The following SDHC variants were observed in gnomAD, a reference collection of about 807,000 sequenced individuals.
SDHC encodes the protein succinate dehydrogenase cytochrome b560 subunit, mitochondrial.
SDHC carries 11 observed loss-of-function variants against 22.6 expected under a neutral mutation model. That is an observed-to-expected ratio of 0.49 (90% CI 0.31 to 0.81). The LOEUF (loss-of-function observed/expected upper bound fraction) is 0.81, where lower values mean the gene tolerates loss of function less well. Among genes scored for constraint, SDHC ranks in the 30% least tolerant of loss-of-function variants. The pLI is 0.05. For synonymous variants in SDHC, 80 were observed against 77.8 expected, an observed-to-expected ratio of 1.03 and a Z score of -0.15; for missense variants, 160 against 212.0, an observed-to-expected ratio of 0.75 and a Z score of 1.52.
intron 4 of SDHC, among the ~76,000 whole-genome samples, chr1:161,351,021 A>T (rs972663342): frequency 6.6e-6 from 1 of 152,276 alleles, no homozygotes; most frequent in African/African-American, 2.4e-5. Context: ...CAAGGAACCA[A>T]ATATTCAGTG....
chr1:161,319,219 C>CT (rs200056232), intron 1 of SDHC, among the ~76,000 whole-genome samples: 3,020 of 143,452 alleles, frequency 0.021, 90 homozygotes, highest in African/African-American at 0.071. Context: ...GAAACTCTGT[C>CT]TTAAAATAAA....
chr1:161,314,418 T>A lies in SDHC; in HGVS notation c.13T>A (p.Leu5Met), dbSNP rs894925936. The A allele has an allele frequency of 2.5e-6, 4 of 1,612,494 alleles. No homozygotes were observed. Among genetic ancestry groups the A allele is most frequent in the Non-Finnish European group, 3.4e-6 (4 of 1,179,918 alleles). Reference protein sequence around the residue: MAALLLRHVGRHCLR... With the variant: MAALMLRHVGRHCLR... ...ACCGGAACCCAAGATGGCTGCGCTG[T>A]TGCTGAGGTGACTTCAGTGGGACTG... The change falls in exon 1 of 6, where the codon TTG becomes ATG. Residue 5 changes from leucine (L) to methionine (M), a missense_variant. Leu to Met is a conservative substitution (Grantham distance 15). This residue lies in a region of SDHC where 86 missense variants were observed against 83.4 expected (regional missense o/e 1.03). Coordinates refer to ENST00000367975, the MANE Select transcript of SDHC (RefSeq NM_003001.5).
intron 2 of SDHC, among the ~76,000 whole-genome samples, chr1:161,326,124 T>C (rs1671037211): frequency 1.3e-5 from 2 of 151,698 alleles, no homozygotes; most frequent in African/African-American, 4.8e-5. Flanking sequence ...ATGACTTGAA[T>C]CCAGGAGGCG....
At chr1:161,348,666 C>CA (rs1159653901) in intron 4 of SDHC, among the ~76,000 whole-genome samples, 2,041 of 70,858 alleles carry the variant, frequency 0.029, 37 homozygotes, top group African/African-American at 0.05. Flanking sequence ...ACTAAAAATC[C>CA]AAAAAAAAAA....
chr1:161,319,092 A>G (rs1253282855), intron 1 of SDHC, among the ~76,000 whole-genome samples: 1 of 152,012 alleles, frequency 6.6e-6, no homozygotes, highest in African/African-American at 2.4e-5. Context: ...TTGGAGGCAC[A>G]TGCCTGTAAT....
chr1:161,331,884 C>A (rs569313878), intron 3 of SDHC, among the ~76,000 whole-genome samples: 1 of 152,180 alleles, frequency 6.6e-6, no homozygotes, highest in Non-Finnish European at 1.5e-5. Flanking sequence ...CATGAGCCAC[C>A]GCGCCTGGCA....
intron 1 of SDHC, among the ~76,000 whole-genome samples, chr1:161,318,028 C>T (rs1326854698): frequency 2.0e-5 from 3 of 151,702 alleles, no homozygotes; most frequent in Admixed American, 6.6e-5. Context: ...AAAAATTAGC[C>T]GGGTGTGATG....
intron 4 of SDHC, among the ~76,000 whole-genome samples, chr1:161,348,463 A>G (rs1275717819): frequency 2.0e-5 from 3 of 151,166 alleles, no homozygotes; most frequent in Non-Finnish European, 4.4e-5. Flanking sequence ...CTGGCCTGCA[A>G]TGTTTTGAAA....
chr1:161,342,818 C>T (rs964219327), intron 4 of SDHC, among the ~76,000 whole-genome samples: 7 of 152,138 alleles, frequency 4.6e-5, no homozygotes, highest in Non-Finnish European at 1.5e-5. Flanking sequence ...TTAACCTCAT[C>T]CTAGGGAATA....
At chr1:161,356,627 T>C (rs763973825) in intron 4 of SDHC, 50 bp from the exon 5 acceptor site, 2 of 1,586,546 alleles carry the variant, frequency 1.3e-6, no homozygotes, top group Admixed American at 3.3e-5. Flanking sequence ...TGTATCATAT[T>C]AGTTGTAACT....
At chr1:161,352,817 A>G (rs1672136403) in intron 4 of SDHC, among the ~76,000 whole-genome samples, 2 of 152,294 alleles carry the variant, frequency 1.3e-5, no homozygotes, top group South Asian at 4.1e-4. Context: ...TCTACTAAAA[A>G]TACAAAAAAA....
chr1:161,335,783 T>G (rs1671458445), intron 3 of SDHC, among the ~76,000 whole-genome samples: 1 of 152,178 alleles, frequency 6.6e-6, no homozygotes, highest in Non-Finnish European at 1.5e-5. Flanking sequence ...TACATACGTG[T>G]GTGTATATAA....
At chr1:161,318,167 A>G (rs1021890298) in intron 1 of SDHC, among the ~76,000 whole-genome samples, 2 of 147,262 alleles carry the variant, frequency 1.4e-5, no homozygotes, top group African/African-American at 5.2e-5. Flanking sequence ...GCAAGACTCC[A>G]TCTCAAAAAA....
rs377678817 is a variant in SDHC, at chr1:161,337,275, C to G, written c.180-3319C>G. On this transcript the variant is annotated intron_variant, in intron 3 of 5. Coordinates refer to ENST00000367975, the MANE Select transcript of SDHC (RefSeq NM_003001.5). ...TGCTCCATGGTGCCCGAGGCCTCAG[C>G]TGGAAAACACAAAGGCTAGGGCCTG... 3.5e-4 allele frequency among the ~76,000 whole-genome samples: 54 copies of G among 152,258 alleles called. 1 individual carries two copies. The highest frequency in any genetic ancestry group is 3.4e-3 in the Middle Eastern group (1 of 294).
intron 1 of SDHC, 120 bp downstream of exon 1, chr1:161,314,545 G>A: frequency 8.0e-7 from 1 of 1,252,056 alleles, no homozygotes; most frequent in Non-Finnish European, 1.2e-6. Context: ...CCATGGGTGT[G>A]GAGGCCAAGC....
chr1:161,346,432 T>G (rs1238155719), intron 4 of SDHC, among the ~76,000 whole-genome samples: 1 of 151,630 alleles, frequency 6.6e-6, no homozygotes, highest in Non-Finnish European at 1.5e-5. Context: ...AGAGTTTCGC[T>G]TTTGTTGCCC....
chr1:161,336,588 G>A (rs1477693341), intron 3 of SDHC, among the ~76,000 whole-genome samples: 1 of 152,126 alleles, frequency 6.6e-6, no homozygotes, highest in Non-Finnish European at 1.5e-5. Flanking sequence ...GGTTGGTGAG[G>A]TGAGTCTTTC....
chr1:161,327,851 T>C (rs1671118220), intron 2 of SDHC, among the ~76,000 whole-genome samples: 2 of 152,004 alleles, frequency 1.3e-5, no homozygotes, highest in South Asian at 2.1e-4. Flanking sequence ...CTTGAGCCAC[T>C]GTGCGTGGCC....
intron 1 of SDHC, among the ~76,000 whole-genome samples, chr1:161,320,663 A>G (rs1386125646): frequency 2.6e-5 from 4 of 152,110 alleles, no homozygotes; most frequent in Admixed American, 6.5e-5. Flanking sequence ...TGTTACATAT[A>G]TATGTGGTGT....
Sources: gnomAD v4.1 joint callset for allele counts (sites outside exome capture counted in the v4.1 genomes callset) on GRCh38, gnomAD v4.1.1 for gene constraint, gnomAD v4.1.1 regional missense constraint, MANE v1.5 for transcripts, NCBI Gene and HGNC (gene_info 2026-07-23, HGNC 2026-07-21) for gene names.